The following ARHGAP35 variants were observed in gnomAD, a reference collection of about 807,000 sequenced individuals.
The protein encoded by ARHGAP35 is rho GTPase-activating protein 35.
In ARHGAP35, 15 loss-of-function variants were observed where a neutral mutation model predicts 111.1. The observed-to-expected ratio is 0.13, with a 90% confidence interval of 0.09 to 0.21. The LOEUF (loss-of-function observed/expected upper bound fraction) is 0.21. ARHGAP35 is among the 10% of genes least tolerant of loss of function. The pLI is 1.00. For synonymous variants in ARHGAP35, 643 were observed against 710.3 expected, an observed-to-expected ratio of 0.91 and a Z score of 1.51; for missense variants, 1,262 against 1,873.0, an observed-to-expected ratio of 0.67 and a Z score of 6.02.
intron 3 of ARHGAP35, among the ~76,000 whole-genome samples, chr19:46,971,415 C>A (rs1374673766): frequency 2.7e-5 from 4 of 150,854 alleles, no homozygotes; most frequent in South Asian, 2.1e-4. Context: ...CACACACACA[C>A]AAAAAAAATA....
intron 3 of ARHGAP35, among the ~76,000 whole-genome samples, chr19:46,958,626 C>T (rs1164357069): frequency 1.3e-5 from 2 of 152,158 alleles, no homozygotes; most frequent in South Asian, 2.1e-4. Flanking sequence ...GTTGCTCTAC[C>T]TCGTTGATTG....
In ARHGAP35 at chr19:46,921,281, T is replaced by C. The variant is rs2056198224; in HGVS notation, c.2606T>C (p.Met869Thr). ...GCCAAACGTAAGGCCTCTTTGGCTATGTTACGTGCCTTTCTTTGTGAAGTG... is the reference window on the plus strand; with the variant it reads ...GCCAAACGTAAGGCCTCTTTGGCTACGTTACGTGCCTTTCTTTGTGAAGTG... ...YSAKRKASLA[M>T]LRAFLCEVQD... The change falls in exon 2 of 7, where the codon ATG becomes ACG. Residue 869 changes from methionine to threonine, a missense_variant. By Grantham distance (81) the Met-to-Thr change is moderately conservative. Around this residue, in one of 8 missense-constraint regions of ARHGAP35, gnomAD observed 579 missense variants for 716.9 expected, o/e 0.81. Transcript: ENST00000672722. This position sits in a 1 kb window ranked among gnomAD's most constrained non-coding sequence, Gnocchi z 4.3. 1 of 1,614,068 alleles carries C rather than the reference T, an allele frequency of 6.2e-7. No individual in the cohort carries two copies. The highest frequency in any genetic ancestry group is 8.5e-7 in the Non-Finnish European group (1 of 1,179,898).
intron 1 of ARHGAP35, among the ~76,000 whole-genome samples, chr19:46,906,004 C>T (rs1302580141): frequency 3.4e-5 from 5 of 148,634 alleles, no homozygotes; most frequent in Admixed American, 6.7e-5. Flanking sequence ...TTTTTTTTAA[C>T]GTGGGACACC....
At chr19:46,968,148 G>A (rs2056525706) in intron 3 of ARHGAP35, among the ~76,000 whole-genome samples, 1 of 152,200 alleles carries the variant, frequency 6.6e-6, no homozygotes, top group Non-Finnish European at 1.5e-5. Context: ...CCCCTCAAAA[G>A]CTTCATTCAG....
Position 46,920,405 on chromosome 19 carries a change from G to A in ARHGAP35, c.1730G>A (p.Arg577Gln), listed in dbSNP as rs774301596. Residue 577 changes from arginine (R) to glutamine (Q), a missense_variant, in exon 2 of 7, where the codon CGG becomes CAG. By Grantham distance (43) the Arg-to-Gln change is conservative (BLOSUM62 1). Transcript: ENST00000672722. The surrounding 1 kb of genome is among the most constrained non-coding windows in gnomAD (Gnocchi z 7.0). ...DAKIEHLISS[R>Q]FIRPSDRNQK... ...AAGATTGAGCACTTGATTAGTTCTC[G>A]GTTTATCCGGCCGTCTGACCGGAAT... is the stretch of plus-strand genomic sequence containing the variant. 8 of 1,613,768 alleles carry A rather than the reference G, an allele frequency of 5.0e-6. No homozygotes were observed. The highest frequency in any genetic ancestry group is 3.3e-5 in the Admixed American group (2 of 59,994).
intron 1 of ARHGAP35, among the ~76,000 whole-genome samples, chr19:46,870,746 A>C (rs1288394917): frequency 1.3e-5 from 2 of 152,202 alleles, no homozygotes; most frequent in African/African-American, 2.4e-5. Flanking sequence ...TAAAGGCTTA[A>C]AAAATGGCAG....
intron 3 of ARHGAP35, among the ~76,000 whole-genome samples, chr19:46,959,888 A>G (rs972061898): frequency 6.6e-6 from 1 of 151,860 alleles, no homozygotes; most frequent in East Asian, 1.9e-4. Context: ...GCTTGAGCCT[A>G]GGAGTTCGAG....
chr19:46,990,458 A>C (rs2056673958), intron 5 of ARHGAP35, among the ~76,000 whole-genome samples: 1 of 152,230 alleles, frequency 6.6e-6, no homozygotes, highest in Admixed American at 6.5e-5. Context: ...TTAAGTCATC[A>C]GCAGCCTTCC....
rs188805186 is a variant in ARHGAP35, at chr19:46,905,740, C to A, written c.-188-12748C>A. Among the ~76,000 whole-genome samples the A allele has an allele frequency of 4.2e-3, 632 of 152,120 alleles. 2 individuals are homozygous for A. The highest frequency in any genetic ancestry group is 3.9e-3 in the Non-Finnish European group (267 of 67,998). ...AATTTTTTTGTATTTTTAGTAGAGA[C>A]GAGGTTTCACCATGTTGGCCAGGCT... is the stretch of plus-strand genomic sequence containing the variant. On this transcript the variant is annotated intron_variant, in intron 1 of 6. Coordinates refer to ENST00000672722, the MANE Select transcript of ARHGAP35 (RefSeq NM_004491.5).
intron 1 of ARHGAP35, among the ~76,000 whole-genome samples, chr19:46,912,159 T>G (rs1367513741): frequency 6.6e-6 from 1 of 150,684 alleles, no homozygotes; most frequent in Non-Finnish European, 1.5e-5. Flanking sequence ...TTCTCCTGTC[T>G]CAGCCTCCCG....
At chr19:46,957,664 C>T (rs1314683372) in intron 3 of ARHGAP35, among the ~76,000 whole-genome samples, 2 of 152,084 alleles carry the variant, frequency 1.3e-5, no homozygotes, top group African/African-American at 2.4e-5. Context: ...TGATTTATTC[C>T]TCTAAATAGG....
intron 1 of ARHGAP35, among the ~76,000 whole-genome samples, chr19:46,893,928 A>G (rs1277512616): frequency 2.4e-5 from 3 of 125,260 alleles, no homozygotes; most frequent in South Asian, 2.4e-4. Flanking sequence ...TGTCTCTGCC[A>G]TTATTCTTAA....
chr19:47,003,230 G>A lies in ARHGAP35; in HGVS notation c.*2542G>A, dbSNP rs1211332549. 2.0e-5 allele frequency: 3 copies of A among 152,358 alleles called. No homozygotes were observed. Among genetic ancestry groups the A allele is most frequent in the Non-Finnish European group, 4.4e-5 (3 of 68,128 alleles). 9.4% of individuals were successfully genotyped at this position (152,358 alleles called of 1,614,324 possible). ...TGGGCACTTGCATGGGAGCCACAGAGGAGCGTCCCTGGGGATTGTTGGGAC... is the reference window on the plus strand; with the variant it reads ...TGGGCACTTGCATGGGAGCCACAGAAGAGCGTCCCTGGGGATTGTTGGGAC... On this transcript the variant is annotated 3_prime_UTR_variant, in exon 7 of 7. Coordinates refer to ENST00000672722, the MANE Select transcript of ARHGAP35 (RefSeq NM_004491.5).
chr19:46,869,809 G>A (rs538449441), intron 1 of ARHGAP35, among the ~76,000 whole-genome samples: 1 of 152,200 alleles, frequency 6.6e-6, no homozygotes, highest in Non-Finnish European at 1.5e-5. Context: ...ACTGGGAATA[G>A]CGTACCTAAA....
At chr19:46,965,714 C>T (rs2056511426) in intron 3 of ARHGAP35, among the ~76,000 whole-genome samples, 1 of 152,034 alleles carries the variant, frequency 6.6e-6, no homozygotes, top group East Asian at 1.9e-4. Flanking sequence ...CCAACTCCTG[C>T]GCTCAAGTGA....
chr19:46,920,633 C>A lies in ARHGAP35; in HGVS notation c.1958C>A (p.Thr653Lys). The stretch of plus-strand genomic sequence containing the variant: ...AGGCTTCCTGTGAACTCTTTCCAGA[C>A]GCCAACATTTCAGCCCCACGGCTGT... Reference protein sequence around the residue: ...NVRLPVNSFQTPTFQPHGCLC... With the variant: ...NVRLPVNSFQKPTFQPHGCLC... The change falls in exon 2 of 7, where the codon ACG becomes AAG. Residue 653 changes from threonine to lysine, a missense_variant. Physicochemically the swap from Thr to Lys is moderately conservative, Grantham distance 78 (BLOSUM62 -1). Coordinates refer to ENST00000672722, the MANE Select transcript of ARHGAP35 (RefSeq NM_004491.5). This position sits in a 1 kb window ranked among gnomAD's most constrained non-coding sequence, Gnocchi z 7.0. The A allele has an allele frequency of 1.2e-6, 2 of 1,614,000 alleles. No homozygotes were observed. The highest frequency in any genetic ancestry group is 1.7e-6 in the Non-Finnish European group (2 of 1,179,906).
At chr19:46,886,715 T>C (rs1224220457) in intron 1 of ARHGAP35, among the ~76,000 whole-genome samples, 1 of 152,174 alleles carries the variant, frequency 6.6e-6, no homozygotes, top group Non-Finnish European at 1.5e-5. Flanking sequence ...TGACTAATAC[T>C]GGTAAAAGTG....
At chr19:46,953,937 C>T (rs1033552793) in intron 3 of ARHGAP35, among the ~76,000 whole-genome samples, 1 of 152,222 alleles carries the variant, frequency 6.6e-6, no homozygotes, top group Non-Finnish European at 1.5e-5. Context: ...CCATCTAACA[C>T]ATTCCCATCC....
rs1194473390 is a variant in ARHGAP35 at position 46,999,473 on chromosome 19, C to T, written c.4142+64C>T. On this transcript the variant is annotated intron_variant, in intron 6 of 6. Transcript: ENST00000672722. This position sits in a 1 kb window ranked among gnomAD's most constrained non-coding sequence, Gnocchi z 5.4. The stretch of plus-strand genomic sequence containing the variant: ...AAATTGACAGCCAGGGTCAGTGTGT[C>T]GCAGAACAAGGCTCTGTCCACAAGC... The T allele has an allele frequency of 1.5e-5, 17 of 1,105,872 alleles. No individual in the cohort carries two copies. Among genetic ancestry groups the T allele is most frequent in the Non-Finnish European group, 2.3e-5 (17 of 749,562 alleles). 68.5% of individuals were successfully genotyped at this position (1,105,872 alleles called of 1,614,324 possible).
Sources: allele counts gnomAD v4.1 joint callset (sites outside exome capture counted in the v4.1 genomes callset), GRCh38; gene constraint gnomAD v4.1.1; regional missense constraint gnomAD v4.1.1; non-coding constraint Gnocchi (gnomAD v3.1); transcripts MANE v1.5; gene names NCBI Gene and HGNC (gene_info 2026-07-23, HGNC 2026-07-21).